PCDH15: variants seen among roughly 807,000 people sequenced by gnomAD.
PCDH15 encodes the protein protocadherin-15.
PCDH15 carries 129 observed loss-of-function variants against 178.5 expected under a neutral mutation model. That is an observed-to-expected ratio of 0.72 (90% CI 0.63 to 0.84). The LOEUF is 0.84. Among genes scored for constraint, PCDH15 ranks in the 40% least tolerant of loss-of-function variants. PCDH15 has a pLI of 0.00. For synonymous variants in PCDH15, 800 were observed against 732.0 expected, an observed-to-expected ratio of 1.09 and a Z score of -1.50; for missense variants, 2,230 against 2,099.9, an observed-to-expected ratio of 1.06 and a Z score of -1.21.
chr10:54,046,837 G>T (rs1454707935), intron 18 of PCDH15, among the ~76,000 whole-genome samples: 2 of 151,756 alleles, frequency 1.3e-5, no homozygotes, highest in African/African-American at 4.8e-5. Context: ...GACAAGAGTT[G>T]GTCTTAATAA....
intron 2 of PCDH15, among the ~76,000 whole-genome samples, chr10:55,382,759 G>A (rs1837568117): frequency 6.6e-6 from 1 of 152,164 alleles, no homozygotes; most frequent in African/African-American, 2.4e-5. Context: ...ACTGAGATGG[G>A]AGAGAGTTCC....
At chr10:53,974,360 T>C (rs2090015417) in intron 21 of PCDH15, among the ~76,000 whole-genome samples, 1 of 152,132 alleles carries the variant, frequency 6.6e-6, no homozygotes. Flanking sequence ...GCTTTTTGTT[T>C]TCCATTAGAT....
At chr10:54,748,147 G>C (rs549792985) in intron 1 of PCDH15, among the ~76,000 whole-genome samples, 8 of 152,178 alleles carry the variant, frequency 5.3e-5, no homozygotes, top group African/African-American at 1.9e-4. Context: ...GAGTTGTCTA[G>C]AGCCCTTCAC....
intron 13 of PCDH15, among the ~76,000 whole-genome samples, chr10:54,169,646 A>G (rs1745577111): frequency 6.6e-6 from 1 of 150,878 alleles, no homozygotes; most frequent in Non-Finnish European, 1.5e-5. Flanking sequence ...ACCTTAACCT[A>G]CAAGTATAAG....
At chr10:55,301,691 T>C (rs1843285311) in intron 1 of PCDH15, among the ~76,000 whole-genome samples, 1 of 152,154 alleles carries the variant, frequency 6.6e-6, no homozygotes, top group Non-Finnish European at 1.5e-5. Flanking sequence ...CTAAAGGATG[T>C]TTTCTAAGTT....
intron 1 of PCDH15, among the ~76,000 whole-genome samples, chr10:55,225,791 C>G (rs1564909354): frequency 6.6e-6 from 1 of 152,008 alleles, no homozygotes. Context: ...GTGAACGTCT[C>G]CCACTCCAAC....
At chr10:55,011,025 C>T (rs1268344670) in intron 2 of PCDH15, among the ~76,000 whole-genome samples, 1 of 151,984 alleles carries the variant, frequency 6.6e-6, no homozygotes, top group Non-Finnish European at 1.5e-5. Flanking sequence ...AGAAAATACA[C>T]AATTTTTGAA....
chr10:54,261,138 A>C (rs1486116099), intron 8 of PCDH15, among the ~76,000 whole-genome samples: 1 of 152,210 alleles, frequency 6.6e-6, no homozygotes, highest in Non-Finnish European at 1.5e-5. Flanking sequence ...GTTAGGATAA[A>C]GACATAAAAA....
At position 55,267,720 on chromosome 10, in the gene PCDH15, TG is replaced by T. The variant is rs991197123; in HGVS notation, c.-156+51878del. ...AAATGGTTATGACTTCCTGCCTTCT[TG>T]TTTGGGCAAATACAAATAAAACATC... On this transcript the variant is annotated intron_variant, in intron 1 of 5. Transcript: ENST00000458638. Among the ~76,000 whole-genome samples, 514 of 152,350 alleles carry T rather than the reference TG, an allele frequency of 3.4e-3. 2 individuals are homozygous for T. The highest frequency in any genetic ancestry group is 0.011 in the African/African-American group (476 of 41,588).
At chr10:53,993,623 C>T (rs2091665047) in intron 21 of PCDH15, among the ~76,000 whole-genome samples, 1 of 151,808 alleles carries the variant, frequency 6.6e-6, no homozygotes, top group African/African-American at 2.4e-5. Flanking sequence ...CTTTATGGTA[C>T]CAACATAAAA....
At chr10:54,223,304 CAAAAA>C (rs57667414) in intron 9 of PCDH15, among the ~76,000 whole-genome samples, 1 of 30,684 alleles carries the variant, frequency 3.3e-5, no homozygotes, top group Non-Finnish European at 1.1e-4. Flanking sequence ...AACTACGTCT[CAAAAA>C]AAAAAAAAAA....
chr10:53,881,299 T>C (rs2080698296), intron 26 of PCDH15, among the ~76,000 whole-genome samples: 1 of 151,968 alleles, frequency 6.6e-6, no homozygotes, highest in Non-Finnish European at 1.5e-5. Flanking sequence ...CACTGGAGAC[T>C]CAGAAAGGTG....
intron 20 of PCDH15, among the ~76,000 whole-genome samples, chr10:54,015,310 C>T (rs1380820819): frequency 1.3e-5 from 2 of 152,072 alleles, no homozygotes; most frequent in African/African-American, 4.8e-5. Flanking sequence ...GAATCAATAT[C>T]ATTAAAATGG....
chr10:53,876,701 G>T (rs2080274401), intron 26 of PCDH15, among the ~76,000 whole-genome samples: 1 of 151,654 alleles, frequency 6.6e-6, no homozygotes, highest in South Asian at 2.1e-4. Context: ...GTTTGATTTT[G>T]CATAAGAATG....
intron 5 of PCDH15, among the ~76,000 whole-genome samples, chr10:54,350,316 T>A (rs1479729735): frequency 6.6e-6 from 1 of 152,160 alleles, no homozygotes. Flanking sequence ...TGTCCCAAGG[T>A]GAGGTTTGCT....
intron 15 of PCDH15, among the ~76,000 whole-genome samples, chr10:54,090,639 G>T (rs1417718633): frequency 2.6e-5 from 2 of 76,622 alleles, no homozygotes; most frequent in African/African-American, 1.4e-4. Context: ...GCAAGATCTT[G>T]TCTCAAAAAA....
At chr10:55,606,753 G>A (rs1329315999) in intron 2 of PCDH15, among the ~76,000 whole-genome samples, 44 of 142,650 alleles carry the variant, frequency 3.1e-4, no homozygotes, top group African/African-American at 1.0e-3. Flanking sequence ...AATTCAAGAT[G>A]GATTAAAGAC....
At chr10:55,311,326 CTTGTTAATATGAGA>C (rs1843580970) in intron 1 of PCDH15, among the ~76,000 whole-genome samples, 2 of 152,144 alleles carry the variant, frequency 1.3e-5, no homozygotes, top group South Asian at 4.1e-4. Flanking sequence ...TATCCATCAG[CTTGTTAATATGAGA>C]TTCCCCTAAA....
intron 23 of PCDH15, among the ~76,000 whole-genome samples, chr10:53,955,946 ATG>A (rs2087568635): frequency 1.3e-5 from 2 of 152,178 alleles, no homozygotes; most frequent in Non-Finnish European, 2.9e-5. Flanking sequence ...GCAGCCTGAA[ATG>A]GCATAGGCAT....
Sources: allele counts gnomAD v4.1 joint callset (sites outside exome capture counted in the v4.1 genomes callset), GRCh38; gene constraint gnomAD v4.1.1; transcripts MANE v1.5; gene names NCBI Gene and HGNC (gene_info 2026-07-23, HGNC 2026-07-21).